NRP1: variants seen among roughly 807,000 people sequenced by gnomAD.
The protein encoded by NRP1 is neuropilin 1, also known as neuropilin-1.
A neutral mutation model predicts 106.7 loss-of-function variants in NRP1; 35 were observed. The ratio of observed to expected loss-of-function variants is 0.33; its 90% CI spans 0.25 to 0.43. The LOEUF is 0.43. Among genes scored for constraint, NRP1 ranks in the 20% least tolerant of loss-of-function variants. NRP1 has a pLI of 1.00. For synonymous variants in NRP1, 437 were observed against 417.9 expected, an observed-to-expected ratio of 1.05 and a Z score of -0.56; for missense variants, 1,024 against 1,170.4, an observed-to-expected ratio of 0.87 and a Z score of 1.83.
chr10:33,225,016 T>G (rs1019624044), intron 7 of NRP1, among the ~76,000 whole-genome samples: 1 of 152,034 alleles, frequency 6.6e-6, no homozygotes, highest in Non-Finnish European at 1.5e-5. Context: ...AAACTTGGGG[T>G]CAAAATTTAC....
chr10:33,319,624 T>C (rs1166266993), intron 2 of NRP1, among the ~76,000 whole-genome samples: 1 of 149,854 alleles, frequency 6.7e-6, no homozygotes, highest in Non-Finnish European at 1.5e-5. Flanking sequence ...TCTCCTTCTG[T>C]TGCCCAGGCT....
At chr10:33,205,439 C>G (rs567219735) in intron 10 of NRP1, 1 of 152,204 alleles carries the variant, frequency 6.6e-6, no homozygotes, top group Non-Finnish European at 1.5e-5. Flanking sequence ...TTTATCAAGA[C>G]AGGGGAATTG....
intron 2 of NRP1, among the ~76,000 whole-genome samples, chr10:33,282,085 C>A (rs1844176228): frequency 6.6e-6 from 1 of 151,596 alleles, no homozygotes; most frequent in Non-Finnish European, 1.5e-5. Flanking sequence ...AAACCATTGT[C>A]AGTAATGGAG....
chr10:33,232,971 T>C (rs1002352893), intron 6 of NRP1, among the ~76,000 whole-genome samples: 3 of 152,104 alleles, frequency 2.0e-5, no homozygotes, highest in African/African-American at 7.2e-5. Context: ...TAAGTTATAA[T>C]ACATAGCGCC....
chr10:33,217,950 A>C (rs1838909081), intron 8 of NRP1, among the ~76,000 whole-genome samples: 1 of 152,232 alleles, frequency 6.6e-6, no homozygotes, highest in Non-Finnish European at 1.5e-5. Context: ...ACGAATGAGA[A>C]AGTAATAACT....
At chr10:33,206,408 T>G in intron 10 of NRP1, 1 of 484,684 alleles carries the variant, frequency 2.1e-6, no homozygotes, top group Admixed American at 2.2e-5. Context: ...AACCACACGG[T>G]GAAGAATAGG....
chr10:33,181,159 C>A (rs534009837), intron 16 of NRP1, among the ~76,000 whole-genome samples: 1 of 152,272 alleles, frequency 6.6e-6, no homozygotes, highest in African/African-American at 2.4e-5. Context: ...GCCTAATTAC[C>A]TGGTACTAGA....
chr10:33,324,858 A>G (rs1223232654), intron 2 of NRP1, among the ~76,000 whole-genome samples: 1 of 152,142 alleles, frequency 6.6e-6, no homozygotes, highest in Non-Finnish European at 1.5e-5. Context: ...GGCTGGTTTC[A>G]GTCGAACTCC....
At chr10:33,318,257 C>T (rs559718556) in intron 2 of NRP1, among the ~76,000 whole-genome samples, 2 of 152,296 alleles carry the variant, frequency 1.3e-5, no homozygotes, top group East Asian at 3.9e-4. Flanking sequence ...ACTGTCAAAT[C>T]CACGATGTTA....
At chr10:33,321,335 T>G (rs931629241) in intron 2 of NRP1, among the ~76,000 whole-genome samples, 2 of 152,210 alleles carry the variant, frequency 1.3e-5, no homozygotes, top group African/African-American at 4.8e-5. Flanking sequence ...ACCAAATGTG[T>G]TAACAAACAA....
chr10:33,214,801 G>A (rs1238273832), intron 8 of NRP1, among the ~76,000 whole-genome samples: 2 of 152,158 alleles, frequency 1.3e-5, no homozygotes, highest in African/African-American at 4.8e-5. Flanking sequence ...TGGTTGCCAG[G>A]GCTTGGGGGA....
chr10:33,219,385 C>T (rs138093388), intron 8 of NRP1, among the ~76,000 whole-genome samples: 1 of 152,274 alleles, frequency 6.6e-6, no homozygotes, highest in Non-Finnish European at 1.5e-5. Flanking sequence ...ACTATCGTAA[C>T]GTGTTAGCCT....
chr10:33,318,890 C>G (rs1326710157), intron 2 of NRP1, among the ~76,000 whole-genome samples: 3 of 151,424 alleles, frequency 2.0e-5, no homozygotes, highest in African/African-American at 7.3e-5. Flanking sequence ...CAAACATCTG[C>G]GTCAGGCTTG....
At chr10:33,198,144 ATT>A (rs71521487) in intron 11 of NRP1, among the ~76,000 whole-genome samples, 2 of 94,080 alleles carry the variant, frequency 2.1e-5, no homozygotes, top group African/African-American at 3.2e-5. Context: ...AAATTTTTAA[ATT>A]TTTTTTTTTT....
In NRP1 at chr10:33,266,888, C is replaced by T. The variant is rs552465374; in HGVS notation, c.431-3015G>A. ...TCTACTAAAAATACAAAAAATTAGCCGGGCATAGTGGCGGGCGCCTGTAGT... is the reference window on the plus strand; with the variant it reads ...TCTACTAAAAATACAAAAAATTAGCTGGGCATAGTGGCGGGCGCCTGTAGT... On this transcript the variant is annotated intron_variant, in intron 3 of 16. Transcript: ENST00000374867. Among the ~76,000 whole-genome samples, 12 of 152,200 alleles carry T rather than the reference C, an allele frequency of 7.9e-5. No homozygotes were observed. In the East Asian group the frequency reaches 9.6e-4, roughly 12 times the overall value.
chr10:33,190,792 ATG>A (rs149133785), intron 13 of NRP1, among the ~76,000 whole-genome samples: 3 of 150,952 alleles, frequency 2.0e-5, no homozygotes, highest in African/African-American at 4.9e-5. Context: ...GTGTGTGTGT[ATG>A]TGTGTGTGTG....
At chr10:33,264,837 A>G (rs932398900) in intron 3 of NRP1, among the ~76,000 whole-genome samples, 1 of 152,130 alleles carries the variant, frequency 6.6e-6, no homozygotes. Flanking sequence ...GGGTGTGCAC[A>G]ATGGCTCATG....
chr10:33,185,368 A>C (rs1031369195), intron 15 of NRP1, among the ~76,000 whole-genome samples: 1 of 152,202 alleles, frequency 6.6e-6, no homozygotes, highest in Non-Finnish European at 1.5e-5. Flanking sequence ...CTTAGCTATC[A>C]TCTTTGGATT....
rs778160256 is a variant in NRP1 at position 33,207,614 on chromosome 10, C to T, written c.1717G>A (p.Gly573Arg). 14 of 1,614,182 alleles carry T rather than the reference C, an allele frequency of 8.7e-6. No individual in the cohort carries two copies. The highest frequency in any genetic ancestry group is 4.0e-5 in the African/African-American group (3 of 75,052). The change falls in exon 10 of 17, where the codon GGA (glycine) becomes AGA (arginine). Residue 573 changes from glycine to arginine, a missense_variant. Physicochemically the swap from Gly to Arg is moderately radical, Grantham distance 125. Coordinates refer to ENST00000374867, the MANE Select transcript of NRP1 (RefSeq NM_003873.7). The part of the protein sequence containing the change: ...RIYPERATHG[G>R]LGLRMELLGC... Reference sequence around the variant, plus strand: ...AGCAGCTCCATTCTGAGCCCCAGTCCGCCATGAGTGGCTCTCTCGGGGTAG... The same window carrying T: ...AGCAGCTCCATTCTGAGCCCCAGTCTGCCATGAGTGGCTCTCTCGGGGTAG...
Sources: gnomAD v4.1 joint callset for allele counts (sites outside exome capture counted in the v4.1 genomes callset) on GRCh38, gnomAD v4.1.1 for gene constraint, MANE v1.5 for transcripts, NCBI Gene and HGNC (gene_info 2026-07-23, HGNC 2026-07-21) for gene names.